The following TVP23A variants were observed in gnomAD, a reference collection of about 807,000 sequenced individuals.
TVP23A encodes trans-golgi network vesicle protein 23 homolog A.
TVP23A carries 21 observed loss-of-function variants against 31.7 expected under a neutral mutation model. That is an observed-to-expected ratio of 0.66 (90% CI 0.47 to 0.95). The LOEUF is 0.95. Ranked by LOEUF, TVP23A falls within the 40% of genes least tolerant of loss-of-function variation. The probability of loss-of-function intolerance (pLI) is 0.00; values close to 1 mark genes in which losing one functional copy is unlikely to be tolerated. For missense variants in TVP23A, 279 were observed against 255.6 expected, an observed-to-expected ratio of 1.09 and a Z score of -0.62; for synonymous variants, 104 against 96.0, an observed-to-expected ratio of 1.08 and a Z score of -0.49.
intron 2 of TVP23A, among the ~76,000 whole-genome samples, chr16:10,803,070 G>C (rs2142998576): frequency 6.6e-6 from 1 of 152,256 alleles, no homozygotes; most frequent in South Asian, 2.1e-4. Context: ...GATCACCTGA[G>C]GTCAGGAGTT....
At chr16:10,808,556 G>A (rs1305452587) in intron 2 of TVP23A, 3 of 454,980 alleles carry the variant, frequency 6.6e-6, no homozygotes, top group South Asian at 3.1e-5. Flanking sequence ...CAGCACTTTG[G>A]GAGGCCAAGG....
rs773665087 is a variant in TVP23A at position 10,771,795 on chromosome 16, G to A, written c.457C>T (p.Leu153=). ...LFSLKLKWLA[L]VVAGISLQAA... ...TGGAGAGAGATCCCAGCAACCACCA[G>A]AGCCTGCACTCAGACAAAGAAAGCA... Residue 153 remains leucine, a synonymous_variant, in exon 6 of 8, where the codon CTG becomes TTG. Transcript: ENST00000299866. 1.3e-6 allele frequency: 2 copies of A among 1,571,612 alleles called. No individual in the cohort carries two copies. The highest frequency in any genetic ancestry group is 3.8e-5 in the Admixed American group (2 of 52,638).
intron 2 of TVP23A, among the ~76,000 whole-genome samples, chr16:10,801,943 G>A (rs1448460120): frequency 6.6e-6 from 1 of 152,096 alleles, no homozygotes. Context: ...GGCCAAGGCA[G>A]GAGGATTGCT....
At chr16:10,757,668 A>C (rs760437311), downstream of TVP23A, among the ~76,000 whole-genome samples, 8 of 152,140 alleles carry the variant, frequency 5.3e-5, no homozygotes, top group Non-Finnish European at 1.2e-4. This position sits in a 1 kb window ranked among gnomAD's most constrained non-coding sequence, Gnocchi z 4.1. Context: ...AGATCAGATC[A>C]TGCTTCTCCG....
chr16:10,762,773 G>T (rs374811026), downstream of TVP23A, among the ~76,000 whole-genome samples: 6 of 151,392 alleles, frequency 4.0e-5, no homozygotes, highest in African/African-American at 1.4e-4. Context: ...GGGCCGGGCG[G>T]GTGAAGTATG....
Position 10,788,368 on chromosome 16 carries a change from G to A in TVP23A, c.90-13272C>T, listed in dbSNP as rs146922050. 3.8e-3 allele frequency among the ~76,000 whole-genome samples: 571 copies of A among 151,822 alleles called. 2 individuals are homozygous for A. The highest frequency in any genetic ancestry group is 0.013 in the African/African-American group (543 of 41,422). ...CAGCTCACTACAACCTCCATCTCCC[G>A]GATTCAAGCGATTCTCCTGCCTCAG... On this transcript the variant is annotated intron_variant, in intron 2 of 7. Transcript: ENST00000299866.
Position 10,810,498 on chromosome 16 carries a change from G to C in TVP23A, c.89+7605C>G, listed in dbSNP as rs181501434. On this transcript the variant is annotated intron_variant, in intron 2 of 7. Coordinates refer to ENST00000299866, the MANE Select transcript of TVP23A (RefSeq NM_001079512.4). Reference sequence around the variant, plus strand: ...GGAGGTGGAGGCTGCAGTGAGTTGAGATCACACCATGGTATTCCAGCCTGG... The same window carrying C: ...GGAGGTGGAGGCTGCAGTGAGTTGACATCACACCATGGTATTCCAGCCTGG... 4.0e-3 allele frequency among the ~76,000 whole-genome samples: 593 copies of C among 148,220 alleles called. 4 individuals carry two copies. Among genetic ancestry groups the C allele is most frequent in the African/African-American group, 0.014 (559 of 40,152 alleles).
At position 10,779,159 on chromosome 16, in the gene TVP23A, A is replaced by G. The variant is rs368377900; in HGVS notation, c.90-4063T>C. On this transcript the variant is annotated intron_variant, in intron 2 of 7. Transcript: ENST00000299866. This position sits in a 1 kb window ranked among gnomAD's most constrained non-coding sequence, Gnocchi z 4.9. ...ATAGCTTCCACTTAGCTGGGCCCTG[A>G]TTAACTCAATGGAAAGTGGTGTTAC... Among the ~76,000 whole-genome samples the G allele has an allele frequency of 3.3e-5, 5 of 152,154 alleles. No individual in the cohort carries two copies. Among genetic ancestry groups the G allele is most frequent in the African/African-American group, 1.2e-4 (5 of 41,442 alleles).
chr16:10,757,951 C>T (rs550505555), downstream of TVP23A: 17 of 1,614,102 alleles, frequency 1.1e-5, no homozygotes, highest in East Asian at 2.2e-5. The surrounding 1 kb of genome is among the most constrained non-coding windows in gnomAD (Gnocchi z 4.1). Context: ...CCTGGGACGT[C>T]GGATGAACAC....
intron 2 of TVP23A, among the ~76,000 whole-genome samples, chr16:10,804,820 A>G (rs2033867464): frequency 6.6e-6 from 1 of 152,202 alleles, no homozygotes; most frequent in South Asian, 2.1e-4. Context: ...CACAACCCAC[A>G]AAATTAACCA....
intron 2 of TVP23A, among the ~76,000 whole-genome samples, chr16:10,792,963 T>G (rs1243655105): frequency 6.6e-6 from 1 of 152,220 alleles, no homozygotes; most frequent in Admixed American, 6.5e-5. Flanking sequence ...CACAGTTTTT[T>G]CCTCTTGTTT....
Position 10,791,043 on chromosome 16 carries a change from TG to T in TVP23A, c.90-15948del, listed in dbSNP as rs1483567067. Among the ~76,000 whole-genome samples the T allele has an allele frequency of 2.6e-5, 4 of 152,096 alleles. No individual in the cohort carries two copies. In the East Asian group the frequency reaches 7.7e-4, roughly 29 times the overall value. On this transcript the variant is annotated intron_variant, in intron 2 of 7. Coordinates refer to ENST00000299866, the MANE Select transcript of TVP23A (RefSeq NM_001079512.4). ...GATAGGAGGGGTCCATTCAGTTGGT[TG>T]GGGGGCTTAGACTTTTATTTTTGGT...
intron 7 of TVP23A, among the ~76,000 whole-genome samples, 176 bp downstream of exon 7, chr16:10,770,096 G>A (rs998340561): frequency 2.0e-5 from 3 of 152,226 alleles, no homozygotes; most frequent in Non-Finnish European, 4.4e-5. Context: ...CAAGAGCAAT[G>A]AGGCTGCAAA....
intron 2 of TVP23A, among the ~76,000 whole-genome samples, chr16:10,817,414 C>G (rs1375602387): frequency 6.6e-6 from 1 of 152,170 alleles, no homozygotes; most frequent in Non-Finnish European, 1.5e-5. Context: ...TGAGGCTGAG[C>G]TGTGGGTGTT....
chr16:10,814,136 A>ATG (rs2034327865), intron 2 of TVP23A, among the ~76,000 whole-genome samples: 1 of 151,660 alleles, frequency 6.6e-6, no homozygotes, highest in Admixed American at 6.6e-5. Flanking sequence ...TTTTAAATTC[A>ATG]TGTTCCTAGG....
intron 2 of TVP23A, among the ~76,000 whole-genome samples, chr16:10,778,237 G>C (rs1468054091): frequency 6.6e-6 from 1 of 152,122 alleles, no homozygotes; most frequent in East Asian, 1.9e-4. Context: ...AGGAGGCTGA[G>C]GCAGGAGAAT....
chr16:10,818,159 A>T lies in TVP23A; in HGVS notation c.33T>A (p.Asp11Glu), dbSNP rs1319408623. MKQALVDDTEDVSLDFGNEEE... is the reference protein window; with the variant it reads MKQALVDDTEEVSLDFGNEEE... ...CCTCGTTTCCAAAGTCCAGGGACACATCCTCGGTATCGTCCACCAGGGCCT... is the reference window on the plus strand; with the variant it reads ...CCTCGTTTCCAAAGTCCAGGGACACTTCCTCGGTATCGTCCACCAGGGCCT... The change falls in exon 2 of 8, where the codon GAT becomes GAA. Residue 11 changes from aspartate (D) to glutamate (E), a missense_variant. Coordinates refer to ENST00000299866, the MANE Select transcript of TVP23A (RefSeq NM_001079512.4). The surrounding 1 kb of genome is among the most constrained non-coding windows in gnomAD (Gnocchi z 4.7). The T allele has an allele frequency of 1.2e-5, 19 of 1,607,440 alleles. No homozygotes were observed. Among genetic ancestry groups the T allele is most frequent in the Non-Finnish European group, 1.6e-5 (19 of 1,177,148 alleles).
At chr16:10,765,327 TA>T (rs533208449), downstream of TVP23A, among the ~76,000 whole-genome samples, 3,471 of 111,226 alleles carry the variant, frequency 0.031, 45 homozygotes, top group Middle Eastern at 0.054. This position sits in a 1 kb window ranked among gnomAD's most constrained non-coding sequence, Gnocchi z 4.0. Context: ...CCTCATCTCT[TA>T]AAAAAAAAAA....
chr16:10,803,268 T>TGTGTGTGTGTGTGTGTGTGTGCGTGC (rs1555485950), intron 2 of TVP23A, among the ~76,000 whole-genome samples: 4 of 151,302 alleles, frequency 2.6e-5, no homozygotes, highest in Middle Eastern at 3.2e-3. Context: ...TGTGTGTGTG[T>TGTGTGTGTGTGTGTGTGTGTGCGTGC]GTGTGTGTGT....
Sources: gnomAD v4.1 joint callset for allele counts (sites outside exome capture counted in the v4.1 genomes callset) on GRCh38, gnomAD v4.1.1 for gene constraint, Gnocchi (gnomAD v3.1) non-coding constraint, MANE v1.5 for transcripts, NCBI Gene and HGNC (gene_info 2026-07-23, HGNC 2026-07-21) for gene names.